RSPO2: variants seen among roughly 807,000 people sequenced by gnomAD.
The protein encoded by RSPO2 is R-spondin 2, also known as R-spondin-2.
RSPO2 carries 14 observed loss-of-function variants against 30.9 expected under a neutral mutation model. That is an observed-to-expected ratio of 0.45 (90% CI 0.30 to 0.71). RSPO2 has a LOEUF of 0.71. Among genes scored for constraint, RSPO2 ranks in the 30% least tolerant of loss-of-function variants. RSPO2 has a pLI of 0.08. For missense variants in RSPO2, 264 were observed against 301.9 expected (o/e 0.87, Z 0.93); for synonymous variants, 107 against 96.4 (o/e 1.11, Z -0.64).
chr8:107,986,072 G>A (rs1814617563), intron 3 of RSPO2, among the ~76,000 whole-genome samples: 1 of 152,146 alleles, frequency 6.6e-6, no homozygotes, highest in African/African-American at 2.4e-5. Context: ...ACTATTGAGC[G>A]ATAATCTTTT....
intron 2 of RSPO2, among the ~76,000 whole-genome samples, chr8:108,004,296 ATC>A (rs1176393957): frequency 2.0e-5 from 3 of 152,154 alleles, no homozygotes; most frequent in Non-Finnish European, 4.4e-5. Context: ...TTACAGAGGG[ATC>A]TCCACTTGAC....
chr8:108,041,084 C>T (rs952529025), intron 2 of RSPO2, among the ~76,000 whole-genome samples: 12 of 151,196 alleles, frequency 7.9e-5, no homozygotes, highest in Non-Finnish European at 1.2e-4. Flanking sequence ...AAGGAAAATG[C>T]GGGGCTTGTC....
At position 107,946,169 on chromosome 8, in the gene RSPO2, A is replaced by T. The variant is rs115810881; in HGVS notation, c.616+11911T>A. Among the ~76,000 whole-genome samples, 464 of 152,356 alleles carry T rather than the reference A, an allele frequency of 3.0e-3. 5 individuals carry two copies. The highest frequency in any genetic ancestry group is 0.01 in the African/African-American group (417 of 41,578). Reference sequence around the variant, plus strand: ...CTCTGTGCTAGGCAAAGTATGAATGATGTCCTTTAATCCTCATAACAGCCC... The same window carrying T: ...CTCTGTGCTAGGCAAAGTATGAATGTTGTCCTTTAATCCTCATAACAGCCC... On this transcript the variant is annotated intron_variant, in intron 5 of 5. Coordinates refer to ENST00000276659, the MANE Select transcript of RSPO2 (RefSeq NM_178565.5).
chr8:107,904,698 A>AT (rs1233319039), intron 5 of RSPO2, among the ~76,000 whole-genome samples: 1 of 152,098 alleles, frequency 6.6e-6, no homozygotes, highest in African/African-American at 2.4e-5. Flanking sequence ...GGTAAGGCAT[A>AT]TGCCTGACTC....
intron 2 of RSPO2, among the ~76,000 whole-genome samples, chr8:108,044,816 C>A (rs1017563547): frequency 6.6e-6 from 1 of 152,090 alleles, no homozygotes; most frequent in East Asian, 1.9e-4. Flanking sequence ...AATTTACACT[C>A]CCATCAGTGT....
chr8:107,906,213 G>T (rs187605022), intron 5 of RSPO2, among the ~76,000 whole-genome samples: 2 of 151,978 alleles, frequency 1.3e-5, no homozygotes, highest in African/African-American at 4.8e-5. Context: ...CTTGGACAAA[G>T]ATTCATGCAC....
chr8:108,052,251 C>A (rs1812100087), intron 2 of RSPO2, among the ~76,000 whole-genome samples: 1 of 152,126 alleles, frequency 6.6e-6, no homozygotes, highest in Non-Finnish European at 1.5e-5. Context: ...AATTTGGCCT[C>A]TGTGTACACG....
intron 5 of RSPO2, among the ~76,000 whole-genome samples, chr8:107,952,289 G>GCA (rs60942015): frequency 0.026 from 3,839 of 148,986 alleles, 55 homozygotes; most frequent in African/African-American, 0.044. Flanking sequence ...ACACACACAT[G>GCA]CACACACACA....
intron 2 of RSPO2, among the ~76,000 whole-genome samples, chr8:108,028,964 T>A (rs1811315899): frequency 6.6e-6 from 1 of 151,628 alleles, no homozygotes; most frequent in Non-Finnish European, 1.5e-5. Context: ...ATCTAATTTT[T>A]TTTTTTTGAA....
intron 2 of RSPO2, among the ~76,000 whole-genome samples, chr8:108,017,631 G>C (rs562885321): frequency 2.0e-5 from 3 of 152,258 alleles, no homozygotes; most frequent in African/African-American, 7.2e-5. Flanking sequence ...GTAACAAGAA[G>C]GCATTGGAAA....
At chr8:107,927,208 G>T (rs1030873699) in intron 5 of RSPO2, among the ~76,000 whole-genome samples, 1 of 152,104 alleles carries the variant, frequency 6.6e-6, no homozygotes, top group East Asian at 1.9e-4. Flanking sequence ...GTCTGTTATT[G>T]GTGTATAAGA....
At chr8:108,079,883 G>A (rs566255803) in intron 2 of RSPO2, among the ~76,000 whole-genome samples, 2 of 152,186 alleles carry the variant, frequency 1.3e-5, no homozygotes, top group Admixed American at 6.5e-5. Context: ...AAAACAAAGG[G>A]GAAAAAGGGA....
intron 2 of RSPO2, among the ~76,000 whole-genome samples, chr8:107,994,771 T>A (rs1027205746): frequency 6.6e-6 from 1 of 152,102 alleles, no homozygotes; most frequent in Non-Finnish European, 1.5e-5. Flanking sequence ...ATTGAAACTT[T>A]TAGCTTTGAG....
At chr8:107,983,509 G>A in intron 3 of RSPO2, 7 of 1,600,194 alleles carry the variant, frequency 4.4e-6, no homozygotes, top group Non-Finnish European at 5.1e-6. Context: ...TGAGATTCAG[G>A]GGATCTTTGA....
intron 2 of RSPO2, chr8:108,082,084 G>A (rs1813216894): frequency 4.9e-6 from 1 of 204,820 alleles, no homozygotes; most frequent in Non-Finnish European, 8.8e-6. Context: ...GCTAGGTCAA[G>A]TCCGAAGAGA....
chr8:108,017,810 A>G (rs1030719597), intron 2 of RSPO2, among the ~76,000 whole-genome samples: 3 of 152,242 alleles, frequency 2.0e-5, no homozygotes, highest in Non-Finnish European at 4.4e-5. Context: ...ATGGAAATAA[A>G]GAAATTTCTA....
At chr8:108,044,186 T>TGG in intron 2 of RSPO2, among the ~76,000 whole-genome samples, 1 of 152,188 alleles carries the variant, frequency 6.6e-6, no homozygotes, top group East Asian at 1.9e-4. Flanking sequence ...GTGCATTTAT[T>TGG]TAGGAAGTGA....
rs1584709 is a variant in RSPO2 at position 108,037,789 on chromosome 8, A to G, written c.94+44756T>C. On this transcript the variant is annotated intron_variant, in intron 2 of 5. Coordinates refer to ENST00000276659, the MANE Select transcript of RSPO2 (RefSeq NM_178565.5). ...ACTAGCTCTACTCTGCCTGTGCTCTATAAGTGGAATAACAAAACCTCCATG... is the reference window on the plus strand; with the variant it reads ...ACTAGCTCTACTCTGCCTGTGCTCTGTAAGTGGAATAACAAAACCTCCATG... Among the ~76,000 whole-genome samples the G allele has an allele frequency of 7.6e-4, 116 of 152,302 alleles. 1 individual carries two copies. In the South Asian group the frequency reaches 0.014, roughly 19 times the overall value.
At chr8:108,067,831 G>A (rs1394813044) in intron 2 of RSPO2, among the ~76,000 whole-genome samples, 2 of 152,180 alleles carry the variant, frequency 1.3e-5, no homozygotes, top group African/African-American at 4.8e-5. Flanking sequence ...GCTCACACCT[G>A]TAATCCCAGC....
Sources: gnomAD v4.1 joint callset for allele counts (sites outside exome capture counted in the v4.1 genomes callset) on GRCh38, gnomAD v4.1.1 for gene constraint, MANE v1.5 for transcripts, NCBI Gene and HGNC (gene_info 2026-07-23, HGNC 2026-07-21) for gene names.